The following CCDC60 variants were observed in gnomAD, a reference collection of about 807,000 sequenced individuals.
CCDC60 encodes the protein coiled-coil domain containing 60.
In CCDC60, 54 loss-of-function variants were observed where a neutral mutation model predicts 63.5. That is an observed-to-expected ratio of 0.85 (90% CI 0.68 to 1.07). The LOEUF (loss-of-function observed/expected upper bound fraction) is 1.07, where lower values mean the gene tolerates loss of function less well. Among genes scored for constraint, CCDC60 ranks in the 50% least tolerant of loss-of-function variants. CCDC60 has a pLI of 0.00. For missense variants in CCDC60, 651 were observed against 684.3 expected (o/e 0.95, Z 0.54); for synonymous variants, 206 against 238.8 (o/e 0.86, Z 1.27).
intron 5 of CCDC60, among the ~76,000 whole-genome samples, chr12:119,498,556 C>T (rs185767952): frequency 4.6e-5 from 7 of 152,200 alleles, no homozygotes; most frequent in Middle Eastern, 3.4e-3. Context: ...AGGCTGGTCT[C>T]GAACTTCTCA....
intron 1 of CCDC60, among the ~76,000 whole-genome samples, chr12:119,423,011 C>A (rs1943252818): frequency 6.6e-6 from 1 of 151,898 alleles, no homozygotes; most frequent in South Asian, 2.1e-4. Context: ...AAATATGTTA[C>A]CGGGGTAGGG....
chr12:119,488,344 T>C (rs1951505662), intron 4 of CCDC60, among the ~76,000 whole-genome samples: 1 of 152,198 alleles, frequency 6.6e-6, no homozygotes, highest in Non-Finnish European at 1.5e-5. Context: ...AGATTAACAA[T>C]TGGACATACA....
chr12:119,482,562 C>CTGTA (rs1951351491), intron 4 of CCDC60, among the ~76,000 whole-genome samples: 1 of 152,176 alleles, frequency 6.6e-6, no homozygotes, highest in Non-Finnish European at 1.5e-5. Flanking sequence ...GGCCCACAGG[C>CTGTA]TGTAGTTTGC....
At chr12:119,387,030 T>TCA (rs1434722157) in intron 1 of CCDC60, among the ~76,000 whole-genome samples, 9 of 115,026 alleles carry the variant, frequency 7.8e-5, no homozygotes, top group South Asian at 3.3e-4. Context: ...CCCCTCTGTC[T>TCA]CTCTCACACA....
intron 11 of CCDC60, chr12:119,524,631 C>G (rs771550978): frequency 2.2e-5 from 4 of 179,658 alleles, no homozygotes; most frequent in Non-Finnish European, 3.2e-5. Context: ...GAGGAAGCAG[C>G]CTGAACACAA....
intron 11 of CCDC60, 22 bp from the exon 12 acceptor site, chr12:119,528,593 T>C (rs1952755131): frequency 1.2e-6 from 2 of 1,605,616 alleles, no homozygotes; most frequent in Non-Finnish European, 1.7e-6. Context: ...TTCTTCTCTC[T>C]CTTTCTCATA....
At chr12:119,490,498 A>G (rs1951558182) in intron 5 of CCDC60, among the ~76,000 whole-genome samples, 2 of 152,102 alleles carry the variant, frequency 1.3e-5, no homozygotes, top group Non-Finnish European at 2.9e-5. Flanking sequence ...TTATTTCCAA[A>G]ATGTCTTTGT....
chr12:119,487,617 G>T (rs1163325636), intron 4 of CCDC60, among the ~76,000 whole-genome samples: 2 of 151,540 alleles, frequency 1.3e-5, no homozygotes, highest in African/African-American at 4.8e-5. Context: ...CTTTAAATGA[G>T]ATACTGAGAA....
intron 1 of CCDC60, among the ~76,000 whole-genome samples, chr12:119,396,443 A>G (rs1009784117): frequency 6.6e-6 from 1 of 152,204 alleles, no homozygotes; most frequent in South Asian, 2.1e-4. Context: ...CCAGCCAGAA[A>G]GCCATCCCAA....
intron 1 of CCDC60, among the ~76,000 whole-genome samples, chr12:119,403,102 A>G (rs1252131113): frequency 6.6e-6 from 1 of 152,184 alleles, no homozygotes; most frequent in Non-Finnish European, 1.5e-5. Context: ...TGGCCAAGAT[A>G]GTCGCCAAGA....
At chr12:119,485,425 G>A (rs1951413755) in intron 4 of CCDC60, among the ~76,000 whole-genome samples, 2 of 152,216 alleles carry the variant, frequency 1.3e-5, no homozygotes, top group South Asian at 4.1e-4. Context: ...GGCTGCCATA[G>A]TAAACTACTA....
intron 2 of CCDC60, among the ~76,000 whole-genome samples, chr12:119,457,194 C>T (rs573997371): frequency 6.6e-6 from 1 of 152,258 alleles, no homozygotes; most frequent in Non-Finnish European, 1.5e-5. Flanking sequence ...TGCTCAGACC[C>T]AAGAATTTTG....
chr12:119,448,075 A>G (rs1202464086), intron 2 of CCDC60, among the ~76,000 whole-genome samples: 1 of 152,068 alleles, frequency 6.6e-6, no homozygotes, highest in Non-Finnish European at 1.5e-5. Context: ...TGCAAGATAA[A>G]TAAGTTCTGG....
chr12:119,380,864 C>A lies in CCDC60; in HGVS notation c.90+45598C>A, dbSNP rs527850715. Among the ~76,000 whole-genome samples, 9 of 152,252 alleles carry A rather than the reference C, an allele frequency of 5.9e-5. No homozygotes were observed. The South Asian group carries it at 1.0e-3, about 18-fold the overall frequency. ...TTGTATTTACTTTTATAGTTACTTT[C>A]TATTTGTGACATGCAGGAATGGCTT... On this transcript the variant is annotated intron_variant, in intron 1 of 13. Coordinates refer to ENST00000327554, the MANE Select transcript of CCDC60 (RefSeq NM_178499.5).
At chr12:119,419,714 G>A (rs1956773892) in intron 1 of CCDC60, among the ~76,000 whole-genome samples, 2 of 152,008 alleles carry the variant, frequency 1.3e-5, no homozygotes, top group African/African-American at 4.8e-5. Context: ...CTTCTTCCCA[G>A]AGGACTCCTG....
intron 1 of CCDC60, among the ~76,000 whole-genome samples, chr12:119,421,535 A>T (rs147588706): frequency 6.6e-6 from 1 of 152,352 alleles, no homozygotes; most frequent in African/African-American, 2.4e-5. Context: ...TTGCTGTCCT[A>T]TAGAATGGGA....
chr12:119,383,959 G>A (rs1470507913), intron 1 of CCDC60, among the ~76,000 whole-genome samples: 1 of 152,190 alleles, frequency 6.6e-6, no homozygotes, highest in Non-Finnish European at 1.5e-5. Context: ...CACTTTGAGA[G>A]GCCGAGGCGG....
At chr12:119,463,637 C>T (rs1380306442) in intron 2 of CCDC60, among the ~76,000 whole-genome samples, 10 of 152,230 alleles carry the variant, frequency 6.6e-5, no homozygotes, top group Admixed American at 1.3e-4. Flanking sequence ...CTACCGCAGA[C>T]GCGAAATCCC....
intron 5 of CCDC60, among the ~76,000 whole-genome samples, chr12:119,495,106 CA>C (rs1184976749): frequency 2.6e-5 from 4 of 152,138 alleles, no homozygotes; most frequent in Non-Finnish European, 5.9e-5. Context: ...TCCAACTTAC[CA>C]ATAAGGAAAC....
Sources: gnomAD v4.1 joint callset for allele counts (sites outside exome capture counted in the v4.1 genomes callset) on GRCh38, gnomAD v4.1.1 for gene constraint, MANE v1.5 for transcripts, NCBI Gene and HGNC (gene_info 2026-07-23, HGNC 2026-07-21) for gene names.